PCDHA4: variants seen among roughly 807,000 people sequenced by gnomAD.
PCDHA4 encodes the protein protocadherin alpha-4.
PCDHA4 carries 49 observed loss-of-function variants against 61.4 expected under a neutral mutation model. The ratio of observed to expected loss-of-function variants is 0.80; its 90% confidence interval spans 0.63 to 1.01. PCDHA4 has a LOEUF of 1.01. PCDHA4 is among the 50% of genes least tolerant of loss of function. The pLI is 0.00. For missense variants in PCDHA4, 1,254 were observed against 1,235.8 expected (o/e 1.01, Z -0.22); for synonymous variants, 590 against 550.3 (o/e 1.07, Z -1.01).
chr5:140,949,636 T>A (rs1047386786), intron 1 of PCDHA4, among the ~76,000 whole-genome samples: 1 of 151,898 alleles, frequency 6.6e-6, no homozygotes, highest in Admixed American at 6.6e-5. Context: ...GGCATATTGC[T>A]TTTTGTTCAT....
intron 3 of PCDHA4, among the ~76,000 whole-genome samples, chr5:141,000,251 G>C (rs2097898188): frequency 6.6e-6 from 1 of 151,264 alleles, no homozygotes; most frequent in Non-Finnish European, 1.5e-5. Context: ...GCTGACACCT[G>C]TGATCCTAGC....
At chr5:140,828,114 G>C in intron 1 of PCDHA4, 1 of 1,612,228 alleles carries the variant, frequency 6.2e-7, no homozygotes, top group African/African-American at 1.3e-5. Flanking sequence ...CCGGAGGATA[G>C]ATTGGGAAAG....
intron 1 of PCDHA4, chr5:140,966,455 C>T (rs376758355): frequency 4.7e-6 from 2 of 426,810 alleles, no homozygotes; most frequent in East Asian, 3.5e-5. Flanking sequence ...CCCCCTCCCC[C>T]TCTGTCTTCC....
At chr5:140,976,753 G>A (rs2096729890) in intron 1 of PCDHA4, among the ~76,000 whole-genome samples, 1 of 152,130 alleles carries the variant, frequency 6.6e-6, no homozygotes. Context: ...CCTCCCAGAT[G>A]CCAGAAGCCT....
rs557764399 is a variant in PCDHA4, at chr5:140,865,245, G to A, written c.2385+55673G>A. On this transcript the variant is annotated intron_variant, in intron 1 of 3. Coordinates refer to ENST00000530339, the MANE Select transcript of PCDHA4 (RefSeq NM_018907.4). ...GGATCCCAGAGAACACGTATTTATA[G>A]CTGTAAGGATGTGTATCAAATTATA... The A allele has an allele frequency of 1.1e-3, 171 of 152,250 alleles. 2 individuals are homozygous for A. The highest frequency in any genetic ancestry group is 3.6e-3 in the African/African-American group (148 of 41,542). 9.4% of individuals were successfully genotyped at this position (152,250 alleles called of 1,614,324 possible).
At chr5:140,958,593 A>G (rs1412529643) in intron 1 of PCDHA4, among the ~76,000 whole-genome samples, 2 of 152,214 alleles carry the variant, frequency 1.3e-5, no homozygotes, top group African/African-American at 4.8e-5. Context: ...GCTTATGATA[A>G]TTGGATCAAA....
intron 1 of PCDHA4, chr5:140,868,276 C>T (rs2050375719): frequency 6.6e-6 from 1 of 151,768 alleles, no homozygotes; most frequent in African/African-American, 2.4e-5. Flanking sequence ...TTTAAAACTA[C>T]CAAGTTTGAG....
intron 1 of PCDHA4, among the ~76,000 whole-genome samples, chr5:140,895,893 C>A (rs899081253): frequency 6.6e-6 from 1 of 152,188 alleles, no homozygotes; most frequent in African/African-American, 2.4e-5. Context: ...CTCACTGCAA[C>A]CTCCGCGTCC....
intron 1 of PCDHA4, chr5:140,810,260 C>G (rs1478886173): frequency 6.6e-6 from 1 of 152,084 alleles, no homozygotes; most frequent in Non-Finnish European, 1.5e-5. Flanking sequence ...TGCATTGTGC[C>G]TCAATGTCTA....
chr5:140,977,712 T>C (rs2153814265), intron 1 of PCDHA4, among the ~76,000 whole-genome samples: 1 of 152,306 alleles, frequency 6.6e-6, no homozygotes, highest in South Asian at 2.1e-4. Context: ...AATATTGAGA[T>C]GGTGATCATT....
At position 141,009,998 on chromosome 5, in the gene PCDHA4, T is replaced by C. The variant is rs1046818514; in HGVS notation, c.*61T>C. 6 of 1,575,876 alleles carry C rather than the reference T, an allele frequency of 3.8e-6. No individual in the cohort carries two copies. The African/African-American group carries it at 5.5e-5, about 14-fold the overall frequency. ...TTGTAATAATGGCAAATCTCTCCCA[T>C]GTAGCAATTCCCTGCTCCTTTTTCC... is the stretch of plus-strand genomic sequence containing the variant. On this transcript the variant is annotated 3_prime_UTR_variant, in exon 4 of 4. Transcript: ENST00000530339.
chr5:140,940,610 G>A (rs1394761541), intron 1 of PCDHA4, among the ~76,000 whole-genome samples: 1 of 151,836 alleles, frequency 6.6e-6, no homozygotes, highest in Non-Finnish European at 1.5e-5. Context: ...GCTGCTCCTG[G>A]CTCCTGCAAA....
At chr5:140,974,496 T>C (rs1554236114) in intron 1 of PCDHA4, among the ~76,000 whole-genome samples, 1 of 152,198 alleles carries the variant, frequency 6.6e-6, no homozygotes, top group Non-Finnish European at 1.5e-5. Flanking sequence ...TCAAATGTAT[T>C]ACCTTTGTGT....
intron 1 of PCDHA4, chr5:140,824,268 T>A: frequency 8.2e-7 from 1 of 1,223,616 alleles, no homozygotes; most frequent in Non-Finnish European, 1.2e-6. Flanking sequence ...CTAATTCATG[T>A]ATTATATGCT....
intron 1 of PCDHA4, among the ~76,000 whole-genome samples, chr5:140,918,244 T>A (rs1554198493): frequency 6.6e-6 from 1 of 152,236 alleles, no homozygotes; most frequent in Non-Finnish European, 1.5e-5. Context: ...TGATTTTGTA[T>A]GCTGAAACTT....
rs782213665 is a variant in PCDHA4, at chr5:140,807,151, A to G, written c.-37A>G. 3.8e-6 allele frequency: 6 copies of G among 1,580,442 alleles called. No individual in the cohort carries two copies. Among genetic ancestry groups the G allele is most frequent in the South Asian group, 1.2e-5 (1 of 85,526 alleles). On this transcript the variant is annotated 5_prime_UTR_variant, in exon 1 of 4. Coordinates refer to ENST00000530339, the MANE Select transcript of PCDHA4 (RefSeq NM_018907.4). ...AAAAGATTTCCCTTGACTTTGAGAA[A>G]CGATATTTAATCAGAACAAAATACT... is the stretch of plus-strand genomic sequence containing the variant.
Position 140,858,037 on chromosome 5 carries a change from T to G in PCDHA4, c.2385+48465T>G, listed in dbSNP as rs782428899. On this transcript the variant is annotated intron_variant, in intron 1 of 3. Coordinates refer to ENST00000530339, the MANE Select transcript of PCDHA4 (RefSeq NM_018907.4). The stretch of plus-strand genomic sequence containing the variant: ...AGCCGTCGCTGACGGCCACGGCCAC[T>G]GTGCTTGTGTCGCTTGTGGAGGGCA... 6 of 1,596,390 alleles carry G rather than the reference T, an allele frequency of 3.8e-6. 1 individual carries two copies. The highest frequency in any genetic ancestry group is 5.1e-6 in the Non-Finnish European group (6 of 1,167,344).
intron 1 of PCDHA4, chr5:140,823,642 G>A (rs138093911): frequency 5.6e-6 from 9 of 1,613,918 alleles, no homozygotes; most frequent in African/African-American, 1.3e-5. Context: ...CCCGTTCCGC[G>A]TGGGGCTGTA....
At chr5:140,859,848 G>C (rs1455422999) in intron 1 of PCDHA4, 1 of 151,860 alleles carries the variant, frequency 6.6e-6, no homozygotes, top group South Asian at 2.1e-4. Flanking sequence ...TTATCAAATA[G>C]GTTTATGAAA....
Sources: allele counts gnomAD v4.1 joint callset (sites outside exome capture counted in the v4.1 genomes callset), GRCh38; gene constraint gnomAD v4.1.1; transcripts MANE v1.5; gene names NCBI Gene and HGNC (gene_info 2026-07-23, HGNC 2026-07-21).